Variants in CD1A observed in about 807,000 individuals in gnomAD.
CD1A encodes T-cell surface glycoprotein CD1a.
In CD1A, 50 loss-of-function variants were observed where a neutral mutation model predicts 38.3. The observed-to-expected ratio is 1.30, with a 90% CI of 1.04 to 1.65. CD1A has a LOEUF of 1.65. Among genes scored for constraint, CD1A ranks in the 40% most tolerant of loss-of-function variants. The pLI is 0.00. For synonymous variants in CD1A, 160 were observed against 150.8 expected (o/e 1.06, Z -0.45); for missense variants, 459 against 406.1 (o/e 1.13, Z -1.12).
chr1:158,252,092 G>C (rs1346078665), upstream of CD1A, among the ~76,000 whole-genome samples: 1 of 151,252 alleles, frequency 6.6e-6, no homozygotes, highest in Admixed American at 6.6e-5. Flanking sequence ...GCCTCCCAAA[G>C]TGCTGAGATT....
chr1:158,249,450 A>G (rs542850059), upstream of CD1A, among the ~76,000 whole-genome samples: 1 of 152,276 alleles, frequency 6.6e-6, no homozygotes, highest in African/African-American at 2.4e-5. Flanking sequence ...TGGGTCTCTT[A>G]TAAGGGAACT....
chr1:158,249,675 C>G (rs2101626197), upstream of CD1A, among the ~76,000 whole-genome samples: 1 of 152,298 alleles, frequency 6.6e-6, no homozygotes, highest in South Asian at 2.1e-4. Context: ...TGAAGTTTCT[C>G]TCTCTTTCTG....
At chr1:158,252,322 G>A (rs1001006855), upstream of CD1A, among the ~76,000 whole-genome samples, 4 of 151,982 alleles carry the variant, frequency 2.6e-5, no homozygotes, top group Admixed American at 6.6e-5. Context: ...AGACTGATGC[G>A]AATTTCCCTG....
upstream of CD1A, among the ~76,000 whole-genome samples, chr1:158,251,381 G>C (rs1173343385): frequency 6.6e-6 from 1 of 152,160 alleles, no homozygotes; most frequent in Admixed American, 6.5e-5. Flanking sequence ...ATCTAGTCTG[G>C]AGCTAACTGG....
At chr1:158,257,098 C>T (rs1302668535) in intron 4 of CD1A, 34 bp downstream of exon 4, 1 of 1,577,246 alleles carries the variant, frequency 6.3e-7, no homozygotes, top group African/African-American at 1.3e-5. Context: ...CTGGAAATGC[C>T]AGGAAGTGGA....
At chr1:158,254,982 C>A in intron 1 of CD1A, 102 bp from the exon 2 acceptor site, 2 of 1,167,616 alleles carry the variant, frequency 1.7e-6, no homozygotes, top group Non-Finnish European at 2.5e-6. Context: ...CATGATGGAT[C>A]CCCTTTTCTC....
At chr1:158,254,121 T>C (rs961870639), upstream of CD1A, 1 of 833,270 alleles carries the variant, frequency 1.2e-6, no homozygotes, top group Non-Finnish European at 1.4e-6. Flanking sequence ...AAGGTGTTAG[T>C]TTGTACTGTC....
upstream of CD1A, among the ~76,000 whole-genome samples, chr1:158,252,672 T>C (rs1326630091): frequency 6.6e-6 from 1 of 151,796 alleles, no homozygotes; most frequent in Non-Finnish European, 1.5e-5. Flanking sequence ...TTTGGGAGGC[T>C]GAGGCAGGTG....
At position 158,257,909 on chromosome 1, in the gene CD1A, C is replaced by T. The variant is rs895361867; in HGVS notation, c.*219C>T. Reference sequence around the variant, plus strand: ...TGTTGTTCTGACCTGGGTTCTGGGACTTTTAAATTCAAATTTTATCTCCAG... The same window carrying T: ...TGTTGTTCTGACCTGGGTTCTGGGATTTTTAAATTCAAATTTTATCTCCAG... On this transcript the variant is annotated 3_prime_UTR_variant, in exon 6 of 6. Coordinates refer to ENST00000289429, the MANE Select transcript of CD1A (RefSeq NM_001763.3). The T allele has an allele frequency of 2.2e-5, 12 of 543,240 alleles. No individual in the cohort carries two copies. The highest frequency in any genetic ancestry group is 1.6e-4 in the Admixed American group (5 of 30,352). The allele number at this position is 543,240 out of a possible 1,614,324, so 33.7% of individuals were successfully genotyped here.
chr1:158,255,922 C>T, intron 2 of CD1A, 82 bp from the exon 3 acceptor site: 1 of 1,366,706 alleles, frequency 7.3e-7, no homozygotes, highest in Non-Finnish European at 1.0e-6. Flanking sequence ...GCACACTTCC[C>T]CCTTCTGCTT....
At chr1:158,254,871 G>C in intron 1 of CD1A, 144 bp downstream of exon 1, 1 of 893,006 alleles carries the variant, frequency 1.1e-6, no homozygotes, top group Middle Eastern at 2.3e-4. Context: ...AGAGTGCCAG[G>C]CTGGTTCCAT....
intron 4 of CD1A, 61 bp from the exon 5 acceptor site, chr1:158,257,360 G>T: frequency 8.1e-7 from 1 of 1,233,634 alleles, no homozygotes; most frequent in Non-Finnish European, 1.2e-6. Context: ...AGTGAAATAG[G>T]GAGTGGATGA....
At chr1:158,254,993 C>G (rs1473380867) in intron 1 of CD1A, 91 bp from the exon 2 acceptor site, 97 of 1,315,402 alleles carry the variant, frequency 7.4e-5, no homozygotes, top group Non-Finnish European at 9.9e-5. Context: ...CCCTTTTCTC[C>G]AGATTCTGAG....
the CD1A span, among the ~76,000 whole-genome samples, chr1:158,249,237 G>T: frequency 3.3e-5 from 5 of 152,290 alleles, no homozygotes; most frequent in East Asian, 7.7e-4. Flanking sequence ...CTGGGGCCCT[G>T]TCTTTCTCCA....
At chr1:158,255,767 C>T (rs1305292546) in intron 2 of CD1A, among the ~76,000 whole-genome samples, 1 of 152,156 alleles carries the variant, frequency 6.6e-6, no homozygotes, top group Non-Finnish European at 1.5e-5. Context: ...GGTCCTTGCT[C>T]ACCCACAGCA....
chr1:158,254,804 T>C, intron 1 of CD1A, 77 bp downstream of exon 1: 1 of 798,352 alleles, frequency 1.3e-6, no homozygotes, highest in Non-Finnish European at 2.1e-6. Context: ...TGTGTGTGTG[T>C]GTGTGTGTGT....
upstream of CD1A, among the ~76,000 whole-genome samples, chr1:158,252,440 G>GGGACAGA (rs1210237869): frequency 6.6e-6 from 1 of 151,968 alleles, no homozygotes; most frequent in African/African-American, 2.4e-5. Context: ...TCTGGCATCT[G>GGGACAGA]TCCCAAGTAA....
chr1:158,249,828 T>C (rs573317037), upstream of CD1A, among the ~76,000 whole-genome samples: 10 of 152,324 alleles, frequency 6.6e-5, no homozygotes, highest in East Asian at 1.5e-3. Context: ...CTCCGGCGCA[T>C]GCAAGCTGCC....
chr1:158,255,253 C>T lies in CD1A; in HGVS notation c.228C>T (p.Ser76=), dbSNP rs1650215977. 3.1e-6 allele frequency: 5 copies of T among 1,614,098 alleles called. No homozygotes were observed. The East Asian group carries it at 1.1e-4, about 36-fold the overall frequency. ...FLCPWSRGNF[S]NEEWKELETL... is the part of the protein sequence containing the mutation. ...GCCCCTGGTCCAGGGGAAACTTCAG[C>T]AATGAGGAGTGGAAGGAACTGGAAA... The change falls in exon 2 of 6, where the codon AGC becomes AGT. Residue 76 remains serine (S), a synonymous_variant. Coordinates refer to ENST00000289429, the MANE Select transcript of CD1A (RefSeq NM_001763.3).
Sources: allele counts gnomAD v4.1 joint callset (sites outside exome capture counted in the v4.1 genomes callset), GRCh38; gene constraint gnomAD v4.1.1; transcripts MANE v1.5; gene names NCBI Gene and HGNC (gene_info 2026-07-23, HGNC 2026-07-21).